Variants in WWOX observed in about 807,000 individuals in gnomAD.
WWOX encodes WW domain containing oxidoreductase, also known as WW domain-containing oxidoreductase.
In WWOX, 69 loss-of-function variants were observed where a neutral mutation model predicts 46.2. That is an observed-to-expected ratio of 1.49 (90% confidence interval 1.23 to 1.82). The LOEUF is 1.82. WWOX is among the 40% of genes most tolerant of loss of function. The pLI is 0.00. For synonymous variants in WWOX, 359 were observed against 202.6 expected (o/e 1.77, Z -6.56); for missense variants, 919 against 542.6 (o/e 1.69, Z -6.89).
chr16:78,583,942 G>T (rs1192245427), intron 8 of WWOX, among the ~76,000 whole-genome samples: 3 of 152,176 alleles, frequency 2.0e-5, no homozygotes, highest in Non-Finnish European at 4.4e-5. Context: ...CATTGCTGAA[G>T]GTCCCCAGCC....
At chr16:78,909,783 G>GT (rs1458687384) in intron 8 of WWOX, among the ~76,000 whole-genome samples, 3 of 152,184 alleles carry the variant, frequency 2.0e-5, no homozygotes, top group Non-Finnish European at 2.9e-5. Context: ...TAGTCCAAAT[G>GT]TAGAGGGTCA....
At chr16:78,532,684 C>G (rs574436306) in intron 8 of WWOX, among the ~76,000 whole-genome samples, 1 of 152,248 alleles carries the variant, frequency 6.6e-6, no homozygotes, top group South Asian at 2.1e-4. Context: ...AGGTGAAAGG[C>G]ACATCTCACA....
chr16:79,018,919 G>A (rs2047471968), intron 8 of WWOX, among the ~76,000 whole-genome samples: 1 of 152,042 alleles, frequency 6.6e-6, no homozygotes, highest in African/African-American at 2.4e-5. Flanking sequence ...GGGAGGATAA[G>A]GTGGGCGGAT....
At chr16:78,925,499 G>C (rs150659274) in intron 8 of WWOX, among the ~76,000 whole-genome samples, 2 of 152,120 alleles carry the variant, frequency 1.3e-5, no homozygotes, top group African/African-American at 4.8e-5. Flanking sequence ...AGTTCCCAGC[G>C]TCTTAACCAG....
intron 8 of WWOX, among the ~76,000 whole-genome samples, chr16:78,781,391 A>C (rs1451220486): frequency 2.0e-5 from 3 of 152,288 alleles, no homozygotes; most frequent in Non-Finnish European, 4.4e-5. Flanking sequence ...GTATTCCGTC[A>C]GTCTTACTAC....
Position 78,748,098 on chromosome 16 carries a change from C to G in WWOX, c.1056+315346C>G, listed in dbSNP as rs140043010. On this transcript the variant is annotated intron_variant, in intron 8 of 8. Transcript: ENST00000566780. ...AGTTTTTTCACAGACTCTGCTCTTT[C>G]TCTCCCAGACCGGACCCTCCACTCC... is the stretch of plus-strand genomic sequence containing the variant. Among the ~76,000 whole-genome samples, 48 of 152,244 alleles carry G rather than the reference C, an allele frequency of 3.2e-4. No individual in the cohort carries two copies. The South Asian group carries it at 9.7e-3, about 31-fold the overall frequency.
intron 8 of WWOX, among the ~76,000 whole-genome samples, chr16:79,167,610 A>G (rs2050620140): frequency 6.6e-6 from 1 of 152,214 alleles, no homozygotes; most frequent in African/African-American, 2.4e-5. Context: ...GCGAATGCCC[A>G]CAGTGCCCAA....
At chr16:78,845,546 C>T (rs998019782) in intron 8 of WWOX, among the ~76,000 whole-genome samples, 1 of 152,128 alleles carries the variant, frequency 6.6e-6, no homozygotes, top group Non-Finnish European at 1.5e-5. Flanking sequence ...GTAATTTTCC[C>T]CCAAAAGCAA....
intron 5 of WWOX, among the ~76,000 whole-genome samples, chr16:78,369,333 C>G (rs897971839): frequency 1.3e-5 from 2 of 151,200 alleles, no homozygotes; most frequent in Non-Finnish European, 2.9e-5. Context: ...AAGTGTGAAG[C>G]AAGAGAAAAA....
chr16:78,295,138 G>C (rs902325318), intron 5 of WWOX, among the ~76,000 whole-genome samples: 1 of 152,138 alleles, frequency 6.6e-6, no homozygotes, highest in Non-Finnish European at 1.5e-5. Context: ...CTTGGCTTCT[G>C]TCAGAACCAG....
intron 8 of WWOX, among the ~76,000 whole-genome samples, chr16:78,851,056 G>C (rs922654681): frequency 5.3e-5 from 8 of 152,198 alleles, no homozygotes; most frequent in South Asian, 4.1e-4. Flanking sequence ...TTGAAAGAGG[G>C]TAGGTGTGGA....
At chr16:78,959,449 G>T (rs771486475) in intron 8 of WWOX, among the ~76,000 whole-genome samples, 1 of 152,158 alleles carries the variant, frequency 6.6e-6, no homozygotes. Flanking sequence ...GCTAATTCAG[G>T]TATGATAATA....
intron 8 of WWOX, among the ~76,000 whole-genome samples, chr16:78,889,831 C>T (rs2044549317): frequency 6.6e-6 from 1 of 152,150 alleles, no homozygotes. Flanking sequence ...ATCTTCAGAA[C>T]AAGGGTTACG....
chr16:78,588,273 G>A (rs368409631), intron 8 of WWOX, among the ~76,000 whole-genome samples: 1 of 152,202 alleles, frequency 6.6e-6, no homozygotes, highest in Non-Finnish European at 1.5e-5. Flanking sequence ...GCAAACAGAA[G>A]GAGACCAGAC....
chr16:78,852,758 C>A (rs1232810189), intron 8 of WWOX, among the ~76,000 whole-genome samples: 1 of 152,132 alleles, frequency 6.6e-6, no homozygotes, highest in Non-Finnish European at 1.5e-5. Flanking sequence ...AGCTTAATAA[C>A]AATTAAAATG....
chr16:78,161,881 C>G (rs1464546256), intron 4 of WWOX, among the ~76,000 whole-genome samples: 1 of 152,084 alleles, frequency 6.6e-6, no homozygotes, highest in Admixed American at 6.5e-5. Context: ...AGACAAGAAC[C>G]TTAGGATACT....
intron 8 of WWOX, among the ~76,000 whole-genome samples, chr16:79,040,265 TTC>T (rs1183384831): frequency 7.2e-6 from 1 of 139,530 alleles, no homozygotes; most frequent in Non-Finnish European, 1.5e-5. Flanking sequence ...AGTTCATTCT[TTC>T]TGAGTTGATT....
At chr16:78,362,617 C>G (rs555516766) in intron 5 of WWOX, among the ~76,000 whole-genome samples, 1 of 151,814 alleles carries the variant, frequency 6.6e-6, no homozygotes, top group East Asian at 1.9e-4. Context: ...TACCCCCCAC[C>G]CTGCAAAAAA....
chr16:78,498,451 C>G (rs1441873977), intron 8 of WWOX, among the ~76,000 whole-genome samples: 1 of 152,078 alleles, frequency 6.6e-6, no homozygotes, highest in Non-Finnish European at 1.5e-5. Context: ...CCACACATGG[C>G]CTGCTCACAA....
Sources: gnomAD v4.1 joint callset for allele counts (sites outside exome capture counted in the v4.1 genomes callset) on GRCh38, gnomAD v4.1.1 for gene constraint, MANE v1.5 for transcripts, NCBI Gene and HGNC (gene_info 2026-07-23, HGNC 2026-07-21) for gene names.